Variants in KHNYN observed in about 807,000 individuals in gnomAD.
KHNYN encodes the protein protein KHNYN.
Under a neutral mutation model 62.7 loss-of-function variants are expected in KHNYN, and 42 were observed. The ratio of observed to expected loss-of-function variants is 0.67; its 90% CI spans 0.52 to 0.87. The LOEUF is 0.87. Among genes scored for constraint, KHNYN ranks in the 40% least tolerant of loss-of-function variants. The pLI, the probability that KHNYN is intolerant of heterozygous loss-of-function variation, is 0.00. For missense variants in KHNYN, 829 were observed against 874.1 expected, an observed-to-expected ratio of 0.95 and a Z score of 0.65; for synonymous variants, 347 against 345.6, an observed-to-expected ratio of 1.00 and a Z score of -0.04.
rs575763615 is a variant in KHNYN, at chr14:24,430,698, C to T, written c.-17-16C>T. 29 of 1,550,676 alleles carry T rather than the reference C, an allele frequency of 1.9e-5. No individual in the cohort carries two copies. The East Asian group carries it at 4.6e-4, about 25-fold the overall frequency. On this transcript the variant is annotated splice_polypyrimidine_tract_variant and intron_variant, in intron 1 of 7. Coordinates refer to ENST00000553935, the MANE Select transcript of KHNYN (RefSeq NM_015299.3). ...GAGGGTACAATGAGGCTCTGAGCTG[C>T]CTTCTCCCCTTCCAGGGCTGGGGGC... is the stretch of plus-strand genomic sequence containing the variant.
At chr14:24,428,179 C>T (rs1331013328), upstream of KHNYN, 1 of 1,477,718 alleles carries the variant, frequency 6.8e-7, no homozygotes, top group African/African-American at 1.4e-5. Context: ...TGGTCCTGGC[C>T]TCCAGGACAC....
In KHNYN at chr14:24,439,970, G is replaced by T. The variant is rs1333339685; in HGVS notation, c.*2685G>T. ...ACAGAACAATGGGAAAGAGGACTGG[G>T]AGAGGAATCTAAGAACCAGATGGCT... is the stretch of plus-strand genomic sequence containing the variant. On this transcript the variant is annotated 3_prime_UTR_variant, in exon 8 of 8. Transcript: ENST00000553935. 5 of 801,824 alleles carry T rather than the reference G, an allele frequency of 6.2e-6. No homozygotes were observed. Among genetic ancestry groups the T allele is most frequent in the Non-Finnish European group, 9.7e-6 (5 of 517,304 alleles). The allele number at this position is 801,824 out of a possible 1,614,324, so 49.7% of individuals were successfully genotyped here. A position where few individuals can be genotyped will look rare whatever the true frequency, so the allele number is the denominator to read the frequency against.
At chr14:24,428,315 C>T (rs775152657), upstream of KHNYN, 45 of 1,613,818 alleles carry the variant, frequency 2.8e-5, no homozygotes, top group Non-Finnish European at 3.6e-5. Context: ...TACACCTTCA[C>T]CACATGGAAC....
In KHNYN at chr14:24,432,668, G is replaced by A. The variant is rs762981879; in HGVS notation, c.1350-54G>A. The stretch of plus-strand genomic sequence containing the variant: ...AGGGAGGATATGTCCTGAGGGGCTG[G>A]CATTGTAGCCAGGGTGCCAAGCCCC... On this transcript the variant is annotated intron_variant, in intron 3 of 7. Coordinates refer to ENST00000553935, the MANE Select transcript of KHNYN (RefSeq NM_015299.3). The surrounding 1 kb of genome is among the most constrained non-coding windows in gnomAD (Gnocchi z 5.6). 141 of 1,613,540 alleles carry A rather than the reference G, an allele frequency of 8.7e-5. No homozygotes were observed. Among genetic ancestry groups the A allele is most frequent in the Non-Finnish European group, 1.1e-4 (135 of 1,179,762 alleles).
Position 24,430,750 on chromosome 14 carries a change from G to A in KHNYN, c.20G>A (p.Arg7His), listed in dbSNP as rs752137915. MPTWGA[R>H]PASPDRFAVS... Reference sequence around the variant, plus strand: ...GCAGCCATGCCTACCTGGGGGGCCCGCCCCGCGTCCCCAGATCGCTTTGCG... The same window carrying A: ...GCAGCCATGCCTACCTGGGGGGCCCACCCCGCGTCCCCAGATCGCTTTGCG... The change falls in exon 2 of 8, where the codon CGC becomes CAC. Residue 7 changes from arginine to histidine, a missense_variant. This residue lies in a region of KHNYN where 559 missense variants were observed against 527.0 expected (regional missense o/e 1.06). Transcript: ENST00000553935. 9 of 1,572,352 alleles carry A rather than the reference G, an allele frequency of 5.7e-6. No individual in the cohort carries two copies. The African/African-American group carries it at 1.1e-4, about 19-fold the overall frequency.
upstream of KHNYN, chr14:24,427,748 T>C (rs756921301): frequency 6.3e-7 from 1 of 1,594,494 alleles, no homozygotes; most frequent in Non-Finnish European, 8.6e-7. The surrounding 1 kb of genome is among the most constrained non-coding windows in gnomAD (Gnocchi z 4.4). Flanking sequence ...CAGAAGAAAG[T>C]TGTCAGGGGC....
chr14:24,433,565 A>T (rs1019838825), intron 5 of KHNYN, among the ~76,000 whole-genome samples: 1 of 147,448 alleles, frequency 6.8e-6, no homozygotes, highest in Non-Finnish European at 1.5e-5. Flanking sequence ...ATTGACTTTG[A>T]CTGTGGAACT....
chr14:24,428,926 C>T (rs548072166), upstream of KHNYN: 2 of 1,560,360 alleles, frequency 1.3e-6, no homozygotes, highest in South Asian at 1.2e-5. Flanking sequence ...CCAGGCACTC[C>T]CCCTCCAGCA....
intron 6 of KHNYN, 54 bp from the exon 7 acceptor site, chr14:24,436,334 T>C (rs2043203866): frequency 6.6e-7 from 1 of 1,523,074 alleles, no homozygotes; most frequent in East Asian, 2.3e-5. Context: ...CTCGGTTGTC[T>C]GGGAGGTGGG....
At chr14:24,427,438 G>T, upstream of KHNYN, 1 of 267,220 alleles carries the variant, frequency 3.7e-6, no homozygotes, top group Non-Finnish European at 7.3e-6. The surrounding 1 kb of genome is among the most constrained non-coding windows in gnomAD (Gnocchi z 4.4). Context: ...ACCTGTCCCT[G>T]ATCAGCATTG....
At chr14:24,434,587 T>C in intron 5 of KHNYN, 1 of 155,958 alleles carries the variant, frequency 6.4e-6, no homozygotes, top group Non-Finnish European at 1.4e-5. Context: ...TGCATTTTAG[T>C]AGAGATGGGG....
At chr14:24,433,144 G>A (rs2043151577) in intron 5 of KHNYN, 112 bp downstream of exon 5, 1 of 988,108 alleles carries the variant, frequency 1.0e-6, no homozygotes, top group African/African-American at 1.6e-5. Flanking sequence ...TTGGTGGTGG[G>A]TAAGGGGCCA....
rs764395660 is a variant in KHNYN, at chr14:24,436,446, C to T, written c.1744C>T (p.Arg582Ter). 1.2e-5 allele frequency: 20 copies of T among 1,613,732 alleles called. No individual in the cohort carries two copies. The highest frequency in any genetic ancestry group is 2.2e-5 in the South Asian group (2 of 91,058). ...CATGGTACCTGATGACCCACTGGGG[C>T]GAAACGGCCCCACCCTGGATGAATT... is the stretch of plus-strand genomic sequence containing the variant. Reference protein sequence around the residue: ...LFMVPDDPLGRNGPTLDEFLK... With the variant: ...LFMVPDDPLG Residue 582 changes from arginine to a stop codon, truncating the protein, a stop_gained, in exon 7 of 8, where the codon CGA becomes TGA. Transcript: ENST00000553935. LOFTEE classifies it high-confidence loss of function.
upstream of KHNYN, chr14:24,428,528 G>A: frequency 8.2e-7 from 1 of 1,223,338 alleles, no homozygotes; most frequent in South Asian, 1.5e-5. Flanking sequence ...GAGTGAATAG[G>A]AGTGAACAGA....
Position 24,432,015 on chromosome 14 carries a change from A to G in KHNYN, c.754A>G (p.Thr252Ala). The change falls in exon 3 of 8, where the codon ACT (threonine) becomes GCT (alanine). Residue 252 changes from threonine to alanine, a missense_variant. Thr to Ala is a moderately conservative substitution (Grantham distance 58). Transcript: ENST00000553935. This position sits in a 1 kb window ranked among gnomAD's most constrained non-coding sequence, Gnocchi z 5.6. The stretch of plus-strand genomic sequence containing the variant: ...AGATTGCAGGGGAGCAAGGGGAGAC[A>G]CTTACGCTGTGGAGAAGGAGGGAGG... ...PGDCRGARGD[T>A]YAVEKEGGKQ... The G allele has an allele frequency of 6.2e-7, 1 of 1,608,742 alleles. No individual in the cohort carries two copies.
At chr14:24,433,827 G>T (rs1341213930) in intron 5 of KHNYN, among the ~76,000 whole-genome samples, 1 of 152,204 alleles carries the variant, frequency 6.6e-6, no homozygotes, top group East Asian at 1.9e-4. Context: ...CCTCAAAGCT[G>T]CCAGATGGTT....
chr14:24,431,534 C>G lies in KHNYN; in HGVS notation c.273C>G (p.Ile91Met). 5 of 1,611,126 alleles carry G rather than the reference C, an allele frequency of 3.1e-6. No homozygotes were observed. Among genetic ancestry groups the G allele is most frequent in the Non-Finnish European group, 4.2e-6 (5 of 1,177,680 alleles). Residue 91 changes from isoleucine (I) to methionine (M), a missense_variant, in exon 3 of 8, where the codon ATC becomes ATG. Ile to Met is a conservative substitution (Grantham distance 10). This residue lies in a region of KHNYN where 559 missense variants were observed against 527.0 expected (regional missense o/e 1.06). Transcript: ENST00000553935. ...EIHYPPKLHC[I>M]FLGAQGFFLD... The stretch of plus-strand genomic sequence containing the variant: ...ACTACCCGCCCAAACTGCACTGCAT[C>G]TTTCTGGGAGCCCAGGGCTTCTTCC...
At chr14:24,429,671 T>C (rs928458392), upstream of KHNYN, 3 of 1,117,738 alleles carry the variant, frequency 2.7e-6, no homozygotes, top group Admixed American at 1.4e-4. Flanking sequence ...CCAGTCACGC[T>C]GCCTCTTTGG....
At position 24,441,632 on chromosome 14, in the gene KHNYN, T is replaced by A; in HGVS notation, c.*4347T>A. On this transcript the variant is annotated 3_prime_UTR_variant, in exon 8 of 8. Coordinates refer to ENST00000553935, the MANE Select transcript of KHNYN (RefSeq NM_015299.3). Reference sequence around the variant, plus strand: ...GCTACAGAGGTCTGAGTTACCCCGTTCCCCTGGCGAATATAAGGGGCTGGT... The same window carrying A: ...GCTACAGAGGTCTGAGTTACCCCGTACCCCTGGCGAATATAAGGGGCTGGT... 1 of 1,529,688 alleles carries A rather than the reference T, an allele frequency of 6.5e-7. No homozygotes were observed. The allele number at this position is 1,529,688 out of a possible 1,614,324, so 94.8% of individuals were successfully genotyped here.
Sources: allele counts gnomAD v4.1 joint callset (sites outside exome capture counted in the v4.1 genomes callset), GRCh38; gene constraint gnomAD v4.1.1; regional missense constraint gnomAD v4.1.1; non-coding constraint Gnocchi (gnomAD v3.1); transcripts MANE v1.5; gene names NCBI Gene and HGNC (gene_info 2026-07-23, HGNC 2026-07-21).